The following FRY variants were observed in gnomAD, a reference collection of about 807,000 sequenced individuals.
The protein encoded by FRY is protein furry homolog.
Under a neutral mutation model 348.4 loss-of-function variants are expected in FRY, and 128 were observed. That is an observed-to-expected ratio of 0.37 (90% CI 0.32 to 0.43). FRY has a LOEUF of 0.43. Among genes scored for constraint, FRY ranks in the 20% least tolerant of loss-of-function variants. The probability of loss-of-function intolerance (pLI) is 1.00; values close to 1 mark genes in which losing one functional copy is unlikely to be tolerated. For missense variants in FRY, 2,736 were observed against 3,695.2 expected, an observed-to-expected ratio of 0.74 and a Z score of 6.73; for synonymous variants, 1,370 against 1,374.7, an observed-to-expected ratio of 1.00 and a Z score of 0.08.
intron 14 of FRY, among the ~76,000 whole-genome samples, chr13:32,150,167 A>C (rs1880710420): frequency 1.3e-5 from 2 of 152,218 alleles, no homozygotes; most frequent in South Asian, 4.1e-4. Flanking sequence ...CTGTTCAACA[A>C]ATTTAGCATC....
In FRY at chr13:32,099,948, G is replaced by A. The variant is rs774505775; in HGVS notation, c.271-2015G>A. Among the ~76,000 whole-genome samples, 105 of 151,936 alleles carry A rather than the reference G, an allele frequency of 6.9e-4. 1 individual carries two copies. Among genetic ancestry groups the A allele is most frequent in the Admixed American group, 1.6e-3 (24 of 15,250 alleles). ...TTATTTTTGCAGAGAACTAGATGTG[G>A]TGCAAGAAAAATCACATGCCCCAAA... On this transcript the variant is annotated intron_variant, in intron 2 of 60. Transcript: ENST00000542859.
chr13:32,149,119 A>G (rs1880641933), intron 13 of FRY, among the ~76,000 whole-genome samples: 1 of 148,378 alleles, frequency 6.7e-6, no homozygotes, highest in Non-Finnish European at 1.5e-5. Flanking sequence ...TACCTGATAT[A>G]TATATTTCTG....
chr13:32,248,942 A>T (rs1049327746), intron 48 of FRY, among the ~76,000 whole-genome samples: 1 of 152,326 alleles, frequency 6.6e-6, no homozygotes, highest in African/African-American at 2.4e-5. Flanking sequence ...GGTCAAGCCC[A>T]TGAGCTGGTG....
chr13:32,296,547 G>C lies in FRY; in HGVS notation c.*1087G>C, dbSNP rs559377165. On this transcript the variant is annotated 3_prime_UTR_variant, in exon 61 of 61. Transcript: ENST00000542859. ...TTTATCTATGTAACTTATTCACTCT[G>C]TAAATACATTTAAAGTTTTTGTGAT... 6.6e-6 allele frequency: 1 copy of C among 150,462 alleles called. No individual in the cohort carries two copies. Among genetic ancestry groups the C allele is most frequent in the Non-Finnish European group, 1.5e-5 (1 of 67,754 alleles). The allele number at this position is 150,462 out of a possible 1,614,324, so 9.3% of individuals were successfully genotyped here.
intron 1 of FRY, among the ~76,000 whole-genome samples, chr13:32,066,096 T>C (rs775816409): frequency 6.6e-6 from 1 of 152,228 alleles, no homozygotes; most frequent in Non-Finnish European, 1.5e-5. Flanking sequence ...TTTTTTATAA[T>C]CCTAAAAGGT....
intron 7 of FRY, 54 bp from the exon 8 acceptor site, chr13:32,131,618 T>C: frequency 7.4e-7 from 1 of 1,350,878 alleles, no homozygotes; most frequent in Non-Finnish European, 1.1e-6. Context: ...GAGGCCCCCA[T>C]TACAGGGACT....
chr13:32,069,599 A>T (rs1049141600), intron 1 of FRY, among the ~76,000 whole-genome samples: 1 of 152,230 alleles, frequency 6.6e-6, no homozygotes, highest in African/African-American at 2.4e-5. Context: ...ATGGAATATT[A>T]TTCAGCCTTA....
At chr13:32,110,663 G>A (rs1168109977) in intron 3 of FRY, among the ~76,000 whole-genome samples, 1 of 152,030 alleles carries the variant, frequency 6.6e-6, no homozygotes, top group East Asian at 1.9e-4. Context: ...GCAAATGCTT[G>A]CTTGTTGATT....
intron 46 of FRY, among the ~76,000 whole-genome samples, chr13:32,240,411 GGC>G (rs576918302): frequency 5.6e-4 from 85 of 152,262 alleles, no homozygotes; most frequent in African/African-American, 2.0e-3. Context: ...GTTACCTTGT[GGC>G]TTGATATGTT....
rs539921030 is a variant in FRY at position 32,124,510 on chromosome 13, G to A, written c.556-92G>A. 1.6e-5 allele frequency: 14 copies of A among 866,514 alleles called. No homozygotes were observed. In the East Asian group the frequency reaches 2.8e-4, roughly 17 times the overall value. 53.7% of individuals were successfully genotyped at this position (866,514 alleles called of 1,614,324 possible). On this transcript the variant is annotated intron_variant, in intron 5 of 60. Coordinates refer to ENST00000542859, the MANE Select transcript of FRY (RefSeq NM_023037.3). ...GTTATATGACTTATGTTTATTGATT[G>A]CTATTGATTGTCATATATAGTTATT...
intron 8 of FRY, among the ~76,000 whole-genome samples, chr13:32,132,480 C>T (rs1416674257): frequency 6.6e-6 from 1 of 152,132 alleles, no homozygotes; most frequent in Non-Finnish European, 1.5e-5. Context: ...TACCATTTTA[C>T]ACCCACAAGG....
chr13:32,229,620 C>T (rs533454335), intron 40 of FRY, among the ~76,000 whole-genome samples: 4 of 152,232 alleles, frequency 2.6e-5, no homozygotes, highest in Non-Finnish European at 5.9e-5. Context: ...GTATTGTCAC[C>T]ACTCACCATC....
At chr13:32,174,205 C>T (rs1300370380) in intron 19 of FRY, among the ~76,000 whole-genome samples, 1 of 152,172 alleles carries the variant, frequency 6.6e-6, no homozygotes, top group Non-Finnish European at 1.5e-5. Context: ...AGAAAATTAC[C>T]ACTTTCTGTT....
chr13:32,184,538 C>G, intron 24 of FRY, 62 bp from the exon 25 acceptor site: 1 of 1,022,668 alleles, frequency 9.8e-7, no homozygotes, highest in Non-Finnish European at 1.5e-6. Context: ...ATACCATTTT[C>G]TAAAACAAAG....
Position 32,178,948 on chromosome 13 carries a change from G to A in FRY, c.2786G>A (p.Ser929Asn), listed in dbSNP as rs751234391. 4.8e-5 allele frequency: 77 copies of A among 1,613,694 alleles called. No individual in the cohort carries two copies. The highest frequency in any genetic ancestry group is 6.3e-5 in the Non-Finnish European group (74 of 1,179,704). The change falls in exon 22 of 61, where the codon AGT becomes AAT. Residue 929 changes from serine (S) to asparagine (N), a missense_variant. Transcript: ENST00000542859. ...CTTTGTTTTGGAGTTGCAAAACCCA[G>A]TATTATGAGCCCAGGACACTTAAGA... Reference protein sequence around the residue: ...LILCFGVAKPSIMSPGHLRAS... With the variant: ...LILCFGVAKPNIMSPGHLRAS...
At chr13:32,292,026 A>T (rs1008901107) in intron 59 of FRY, 2 of 451,754 alleles carry the variant, frequency 4.4e-6, no homozygotes, top group African/African-American at 4.0e-5. Context: ...TCTGTTGCCC[A>T]GGCTGGAGTG....
At chr13:32,053,216 A>T (rs1214709638) in intron 1 of FRY, among the ~76,000 whole-genome samples, 1 of 152,216 alleles carries the variant, frequency 6.6e-6, no homozygotes, top group Non-Finnish European at 1.5e-5. Context: ...AGGTAGAATT[A>T]TTTCAAATAG....
intron 2 of FRY, among the ~76,000 whole-genome samples, chr13:32,096,519 G>T (rs1335837200): frequency 6.6e-6 from 1 of 152,182 alleles, no homozygotes; most frequent in African/African-American, 2.4e-5. Context: ...GTGTGCAGGT[G>T]CAGTGGCACG....
Position 32,261,790 on chromosome 13 carries a change from A to T in FRY, c.7591A>T (p.Ser2531Cys). 6.2e-7 allele frequency: 1 copy of T among 1,614,232 alleles called. No homozygotes were observed. Among genetic ancestry groups the T allele is most frequent in the East Asian group, 2.2e-5 (1 of 44,884 alleles). The part of the protein sequence containing the change: ...ESSEEEDLTA[S>C]QILEHSDLIM... ...ATCCGAGGAGGAGGACCTCACAGCC[A>T]GCCAGATCCTGGAGCACTCAGACCT... The change falls in exon 52 of 61, where the codon AGC becomes TGC. Residue 2531 changes from serine to cysteine, a missense_variant. Ser to Cys is a moderately radical substitution (Grantham distance 112, BLOSUM62 -1). This residue lies in a region of FRY where 789 missense variants were observed against 996.2 expected (regional missense o/e 0.79). Coordinates refer to ENST00000542859, the MANE Select transcript of FRY (RefSeq NM_023037.3).
Sources: allele counts gnomAD v4.1 joint callset (sites outside exome capture counted in the v4.1 genomes callset), GRCh38; gene constraint gnomAD v4.1.1; regional missense constraint gnomAD v4.1.1; transcripts MANE v1.5; gene names NCBI Gene and HGNC (gene_info 2026-07-23, HGNC 2026-07-21).